The following SCHIP1 variants were observed in gnomAD, a reference collection of about 807,000 sequenced individuals.
SCHIP1 encodes the protein schwannomin-interacting protein 1.
A neutral mutation model predicts 29.7 loss-of-function variants in SCHIP1; 8 were observed. The observed-to-expected ratio is 0.27, with a 90% CI of 0.16 to 0.49. SCHIP1 has a LOEUF of 0.49. Among genes scored for constraint, SCHIP1 ranks in the 20% least tolerant of loss-of-function variants. SCHIP1 has a pLI of 0.99. For missense variants in SCHIP1, 193 were observed against 294.6 expected, an observed-to-expected ratio of 0.66 and a Z score of 2.52; for synonymous variants, 76 against 94.9, an observed-to-expected ratio of 0.80 and a Z score of 1.16.
the SCHIP1 span, among the ~76,000 whole-genome samples, chr3:159,692,906 A>C: frequency 1.3e-5 from 2 of 152,196 alleles, no homozygotes; most frequent in African/African-American, 4.8e-5. Context: ...GGACCCATAG[A>C]GTTTTGTTAT....
the SCHIP1 span, among the ~76,000 whole-genome samples, chr3:159,809,256 T>G: frequency 6.6e-6 from 1 of 151,990 alleles, no homozygotes; most frequent in East Asian, 1.9e-4. Flanking sequence ...TCTGTCCTTG[T>G]GATAGTTTGC....
At chr3:159,517,342 A>T in the SCHIP1 span, among the ~76,000 whole-genome samples, 3 of 152,182 alleles carry the variant, frequency 2.0e-5, no homozygotes, top group Non-Finnish European at 4.4e-5. Context: ...AAGTGTTTCC[A>T]AATCTCTGGC....
chr3:159,343,594 C>T, the SCHIP1 span, among the ~76,000 whole-genome samples: 1 of 152,152 alleles, frequency 6.6e-6, no homozygotes, highest in African/African-American at 2.4e-5. Context: ...AACCATGCAG[C>T]CTTGCCTAAT....
chr3:159,535,744 T>C, the SCHIP1 span, among the ~76,000 whole-genome samples: 4 of 152,342 alleles, frequency 2.6e-5, no homozygotes, highest in African/African-American at 9.6e-5. Context: ...TCAGCAAACA[T>C]TGTCTACCAA....
At chr3:159,535,047 A>C in the SCHIP1 span, among the ~76,000 whole-genome samples, 1 of 152,160 alleles carries the variant, frequency 6.6e-6, no homozygotes, top group African/African-American at 2.4e-5. Flanking sequence ...TGTTCCCTCA[A>C]CTGTGAAATG....
chr3:159,853,913 T>C (rs917282611), intron 1 of SCHIP1, among the ~76,000 whole-genome samples: 1 of 152,224 alleles, frequency 6.6e-6, no homozygotes, highest in Admixed American at 6.5e-5. Flanking sequence ...ACAGTATCTG[T>C]TCATCTTTTC....
At chr3:159,392,653 T>C in the SCHIP1 span, among the ~76,000 whole-genome samples, 3 of 152,164 alleles carry the variant, frequency 2.0e-5, no homozygotes, top group Admixed American at 6.5e-5. Flanking sequence ...CATCATTTTT[T>C]ATGGCTGCAT....
the SCHIP1 span, among the ~76,000 whole-genome samples, chr3:159,494,366 TA>T: frequency 6.6e-6 from 1 of 151,530 alleles, no homozygotes; most frequent in Non-Finnish European, 1.5e-5. Context: ...GCAAGACTAA[TA>T]AAGAAGAAAA....
chr3:159,397,069 T>C, the SCHIP1 span, among the ~76,000 whole-genome samples: 1 of 151,424 alleles, frequency 6.6e-6, no homozygotes, highest in Non-Finnish European at 1.5e-5. Context: ...ATTTCATTCA[T>C]TTCATCTTCC....
the SCHIP1 span, among the ~76,000 whole-genome samples, chr3:159,342,329 A>G: frequency 6.6e-6 from 1 of 152,198 alleles, no homozygotes; most frequent in Non-Finnish European, 1.5e-5. Flanking sequence ...TGATTTAGAT[A>G]AAGCTAAGTT....
intron 2 of SCHIP1, among the ~76,000 whole-genome samples, chr3:159,885,441 A>G (rs1240971853): frequency 6.6e-6 from 1 of 152,274 alleles, no homozygotes; most frequent in African/African-American, 2.4e-5. Flanking sequence ...AGTGGCAGCT[A>G]CACGGCCAGG....
At chr3:159,505,696 C>A in the SCHIP1 span, among the ~76,000 whole-genome samples, 1 of 152,126 alleles carries the variant, frequency 6.6e-6, no homozygotes, top group African/African-American at 2.4e-5. Context: ...TGTTCGATTC[C>A]CACCTATGAG....
At chr3:159,750,089 G>T in the SCHIP1 span, among the ~76,000 whole-genome samples, 1 of 151,584 alleles carries the variant, frequency 6.6e-6, no homozygotes, top group Non-Finnish European at 1.5e-5. Context: ...GATCATTGGG[G>T]CATCACTTCA....
chr3:159,451,913 A>G, the SCHIP1 span, among the ~76,000 whole-genome samples: 1 of 152,140 alleles, frequency 6.6e-6, no homozygotes, highest in African/African-American at 2.4e-5. Flanking sequence ...TACTGAAAAG[A>G]GGGGTAGATT....
chr3:159,284,150 C>A, the SCHIP1 span, among the ~76,000 whole-genome samples: 9 of 152,160 alleles, frequency 5.9e-5, no homozygotes, highest in East Asian at 1.4e-3. Flanking sequence ...GAAAAAAATT[C>A]TTGATAAAAC....
chr3:159,864,245 A>G (rs964656018), intron 1 of SCHIP1, among the ~76,000 whole-genome samples: 2 of 152,154 alleles, frequency 1.3e-5, no homozygotes, highest in African/African-American at 2.4e-5. Context: ...AGCCTTGCAT[A>G]TTCGGAAAGG....
the SCHIP1 span, among the ~76,000 whole-genome samples, chr3:159,521,266 G>A: frequency 2.4e-4 from 37 of 152,320 alleles, 1 homozygote; most frequent in African/African-American, 8.7e-4. Flanking sequence ...ATAAATGCAA[G>A]TATTGAACAG....
At chr3:159,453,919 CCAT>C in the SCHIP1 span, among the ~76,000 whole-genome samples, 1 of 152,210 alleles carries the variant, frequency 6.6e-6, no homozygotes, top group Non-Finnish European at 1.5e-5. Context: ...TCTACCCTGA[CCAT>C]CATTTTAGAA....
chr3:159,494,839 T>C, the SCHIP1 span, among the ~76,000 whole-genome samples: 1 of 152,178 alleles, frequency 6.6e-6, no homozygotes, highest in South Asian at 2.1e-4. Context: ...TTGATGAACA[T>C]TGATGCAAAA....
Sources: gnomAD v4.1 joint callset for allele counts (sites outside exome capture counted in the v4.1 genomes callset) on GRCh38, gnomAD v4.1.1 for gene constraint, MANE v1.5 for transcripts, NCBI Gene and HGNC (gene_info 2026-07-23, HGNC 2026-07-21) for gene names.